The following FRMPD4 variants were observed in gnomAD, a reference collection of about 807,000 sequenced individuals.
The protein encoded by FRMPD4 is FERM and PDZ domain-containing protein 4.
FRMPD4 carries 22 observed loss-of-function variants against 94.1 expected under a neutral mutation model. The ratio of observed to expected loss-of-function variants is 0.23; its 90% CI spans 0.17 to 0.33. The LOEUF is 0.33. FRMPD4 is among the 10% of genes least tolerant of loss of function. The probability of loss-of-function intolerance (pLI) is 1.00; values close to 1 mark genes in which losing one functional copy is unlikely to be tolerated. For synonymous variants in FRMPD4, 631 were observed against 548.6 expected, an observed-to-expected ratio of 1.15 and a Z score of -2.10; for missense variants, 1,111 against 1,339.9, an observed-to-expected ratio of 0.83 and a Z score of 2.67.
At chrX:12,059,727 C>T (rs2054874494) in intron 3 of FRMPD4, among the ~76,000 whole-genome samples, 2 of 110,951 alleles carry the variant, frequency 1.8e-5, no homozygotes, top group Admixed American at 1.9e-4. Flanking sequence ...TCTGTTCCTG[C>T]ATTAAATCAT....
chrX:11,909,318 G>A (rs1186710231), intron 3 of FRMPD4, among the ~76,000 whole-genome samples: 1 of 111,979 alleles, frequency 8.9e-6, no homozygotes. Flanking sequence ...TTTTACCTGA[G>A]TTTTAAAATT....
chrX:12,050,773 A>G (rs754772509), intron 3 of FRMPD4, among the ~76,000 whole-genome samples: 1 of 110,928 alleles, frequency 9.0e-6, no homozygotes, highest in South Asian at 3.8e-4. Context: ...AGTATCTAGT[A>G]AAGCCAAAGA....
chrX:12,152,261 A>G (rs1340311132), intron 1 of FRMPD4, among the ~76,000 whole-genome samples: 1 of 112,192 alleles, frequency 8.9e-6, no homozygotes, highest in African/African-American at 3.2e-5. Context: ...ATTCAAAGAA[A>G]TTCATCTATG....
Position 12,716,860 on chromosome X carries a change from C to G in FRMPD4, c.2401C>G (p.Arg801Gly). 1 of 1,211,525 alleles carries G rather than the reference C, an allele frequency of 8.3e-7. No homozygotes were observed. The highest frequency in any genetic ancestry group is 1.1e-6 in the Non-Finnish European group (1 of 895,194). ...GDDNEDDFLL[R>G]SLNMAIAAPP... is the part of the protein sequence containing the mutation. The stretch of plus-strand genomic sequence containing the variant: ...TGACAATGAGGATGACTTCCTGTTG[C>G]GTTCCTTGAACATGGCCATTGCCGC... The change falls in exon 15 of 17, where the codon CGT (arginine) becomes GGT (glycine). Residue 801 changes from arginine (R) to glycine (G), a missense_variant. Arg to Gly is a moderately radical substitution (Grantham distance 125, BLOSUM62 -2). This residue lies in a region of FRMPD4 where 74 missense variants were observed against 93.9 expected (regional missense o/e 0.79). Transcript: ENST00000675598.
chrX:12,556,232 T>C (rs1484575581), intron 2 of FRMPD4, among the ~76,000 whole-genome samples: 10 of 110,987 alleles, frequency 9.0e-5, no homozygotes, highest in African/African-American at 3.3e-4. Flanking sequence ...ATTATGTTAC[T>C]TAGCATGGCA....
intron 2 of FRMPD4, among the ~76,000 whole-genome samples, chrX:12,604,712 T>C (rs935268449): frequency 9.8e-5 from 11 of 111,983 alleles, no homozygotes; most frequent in Non-Finnish European, 2.1e-4. Flanking sequence ...GTTTGTTACA[T>C]AGGAAAACTT....
intron 2 of FRMPD4, among the ~76,000 whole-genome samples, chrX:12,529,789 T>C (rs1162469127): frequency 9.1e-6 from 1 of 110,434 alleles, no homozygotes; most frequent in Non-Finnish European, 1.9e-5. Context: ...ACTTAATGTG[T>C]TCTAGTCTAT....
At chrX:12,226,433 G>T (rs1472177482) in intron 1 of FRMPD4, among the ~76,000 whole-genome samples, 1 of 111,806 alleles carries the variant, frequency 8.9e-6, no homozygotes, top group Non-Finnish European at 1.9e-5. Context: ...TTTTTTTCTA[G>T]TTTAACTTCA....
intron 1 of FRMPD4, among the ~76,000 whole-genome samples, chrX:12,270,271 A>AAG (rs1345557302): frequency 9.0e-6 from 1 of 110,778 alleles, no homozygotes. Context: ...TTTGAAAAAA[A>AAG]AATGCTTTTA....
intron 1 of FRMPD4, among the ~76,000 whole-genome samples, chrX:12,481,667 C>T (rs1402210422): frequency 9.2e-6 from 1 of 109,281 alleles, no homozygotes; most frequent in Non-Finnish European, 1.9e-5. Flanking sequence ...TGGGGCCCGG[C>T]GCGGTGGCTA....
In FRMPD4 at chrX:12,724,413, T is replaced by G. The variant is rs2042294897; in HGVS notation, c.*2555T>G. Reference sequence around the variant, plus strand: ...GAAGAACATATTAGAACAATACTTGTGCTTATTTTTATCTAGCTTTTTTAT... The same window carrying G: ...GAAGAACATATTAGAACAATACTTGGGCTTATTTTTATCTAGCTTTTTTAT... On this transcript the variant is annotated 3_prime_UTR_variant, in exon 17 of 17. Coordinates refer to ENST00000675598, the MANE Select transcript of FRMPD4 (RefSeq NM_001368397.1). The G allele has an allele frequency of 8.9e-6, 1 of 112,472 alleles. No individual in the cohort carries two copies. The highest frequency in any genetic ancestry group is 3.2e-5 in the African/African-American group (1 of 31,000). 9.3% of individuals were successfully genotyped at this position (112,472 alleles called of 1,213,427 possible). A position where few individuals can be genotyped will look rare whatever the true frequency, so the allele number is the denominator to read the frequency against.
At chrX:12,508,062 G>A (rs1339369897) in intron 2 of FRMPD4, among the ~76,000 whole-genome samples, 3 of 112,309 alleles carry the variant, frequency 2.7e-5, no homozygotes, top group East Asian at 5.6e-4. Flanking sequence ...ACTAATGGTC[G>A]ACAGAAAAAC....
intron 1 of FRMPD4, chrX:12,374,916 T>C (rs966896477): frequency 8.9e-6 from 1 of 112,209 alleles, no homozygotes; most frequent in African/African-American, 3.2e-5. Context: ...GCTAAGCCCC[T>C]AAAACACAAG....
chrX:12,439,192 T>C (rs1391780804), intron 1 of FRMPD4, among the ~76,000 whole-genome samples: 1 of 111,265 alleles, frequency 9.0e-6, no homozygotes, highest in East Asian at 2.8e-4. Context: ...AGTAACCCAG[T>C]GTATGCAGCC....
chrX:11,962,549 C>T (rs1169271821), intron 3 of FRMPD4, among the ~76,000 whole-genome samples: 3 of 111,866 alleles, frequency 2.7e-5, no homozygotes, highest in African/African-American at 6.5e-5. Flanking sequence ...GGGACCAACA[C>T]CTTTGAGGAG....
intron 4 of FRMPD4, among the ~76,000 whole-genome samples, chrX:12,649,073 C>T (rs999111804): frequency 1.8e-5 from 2 of 112,126 alleles, no homozygotes; most frequent in Admixed American, 9.5e-5. Flanking sequence ...GGCAGTATTA[C>T]GTGACCTAAC....
intron 1 of FRMPD4, among the ~76,000 whole-genome samples, chrX:12,389,997 C>A (rs56309730): frequency 0.3 from 33,279 of 111,281 alleles, 4,246 homozygotes; most frequent in African/African-American, 0.46. Flanking sequence ...CGAAATTGTG[C>A]CTGCAGTAGA....
At chrX:12,657,010 C>T (rs1364972199) in intron 4 of FRMPD4, among the ~76,000 whole-genome samples, 2 of 109,088 alleles carry the variant, frequency 1.8e-5, no homozygotes, top group South Asian at 4.0e-4. Context: ...CGCTTGAACT[C>T]GGGAGGCGGA....
chrX:11,851,428 C>T (rs1472929832), intron 1 of FRMPD4, among the ~76,000 whole-genome samples: 1 of 111,015 alleles, frequency 9.0e-6, no homozygotes, highest in African/African-American at 3.3e-5. Flanking sequence ...TTGGTTGCCC[C>T]CTGACTTTTA....
Sources: gnomAD v4.1 joint callset for allele counts (sites outside exome capture counted in the v4.1 genomes callset) on GRCh38, gnomAD v4.1.1 for gene constraint, gnomAD v4.1.1 regional missense constraint, MANE v1.5 for transcripts, NCBI Gene and HGNC (gene_info 2026-07-23, HGNC 2026-07-21) for gene names.